SEMA3C: variants seen among roughly 807,000 people sequenced by gnomAD.
SEMA3C encodes semaphorin 3C, also known as semaphorin-3C.
SEMA3C carries 47 observed loss-of-function variants against 89.4 expected under a neutral mutation model. The ratio of observed to expected loss-of-function variants is 0.53; its 90% CI spans 0.42 to 0.67. SEMA3C has a LOEUF of 0.67. Among genes scored for constraint, SEMA3C ranks in the 30% least tolerant of loss-of-function variants. The pLI is 0.00. For synonymous variants in SEMA3C, 310 were observed against 320.2 expected, an observed-to-expected ratio of 0.97 and a Z score of 0.34; for missense variants, 839 against 929.1, an observed-to-expected ratio of 0.90 and a Z score of 1.26.
intron 2 of SEMA3C, among the ~76,000 whole-genome samples, chr7:80,861,948 T>C (rs1201252196): frequency 6.6e-6 from 1 of 152,066 alleles, no homozygotes; most frequent in Non-Finnish European, 1.5e-5. Context: ...TACCTCAATA[T>C]AATAAAAGTC....
At chr7:80,915,817 G>GAAAGAAA (rs1433413943) in intron 2 of SEMA3C, 13 of 150,482 alleles carry the variant, frequency 8.6e-5, no homozygotes, top group Non-Finnish European at 4.4e-5. Flanking sequence ...AGAATATATT[G>GAAAGAAA]TTTATCAAAT....
chr7:80,804,605 T>G (rs1325410105), intron 7 of SEMA3C, among the ~76,000 whole-genome samples: 1 of 152,160 alleles, frequency 6.6e-6, no homozygotes, highest in Non-Finnish European at 1.5e-5. Context: ...TCAAATTTGT[T>G]GAAGCAGAAT....
intron 2 of SEMA3C, among the ~76,000 whole-genome samples, chr7:80,898,312 G>A (rs546833886): frequency 1.3e-5 from 2 of 152,310 alleles, no homozygotes; most frequent in East Asian, 3.9e-4. Context: ...GTTGCAGTGA[G>A]CCGAGATCGC....
chr7:80,815,554 C>CAAAAAAA (rs761990267), intron 5 of SEMA3C, among the ~76,000 whole-genome samples: 7,396 of 57,974 alleles, frequency 0.13, 643 homozygotes, highest in Non-Finnish European at 0.18. Context: ...TTTAAATGGG[C>CAAAAAAA]AAAAAAAAAA....
upstream of SEMA3C, among the ~76,000 whole-genome samples, chr7:80,921,541 G>A (rs556613152): frequency 6.6e-6 from 1 of 152,272 alleles, no homozygotes; most frequent in East Asian, 1.9e-4. Flanking sequence ...ACTTTTTTAA[G>A]ACTTCAGCTT....
At chr7:80,866,106 A>G (rs1790920794) in intron 2 of SEMA3C, among the ~76,000 whole-genome samples, 1 of 152,212 alleles carries the variant, frequency 6.6e-6, no homozygotes, top group Admixed American at 6.5e-5. Flanking sequence ...AGAGCAGGAT[A>G]AAGATCCAAC....
chr7:80,885,487 C>T lies in SEMA3C; in HGVS notation c.103+31192G>A, dbSNP rs146242906. Among the ~76,000 whole-genome samples, 1,026 of 152,006 alleles carry T rather than the reference C, an allele frequency of 6.7e-3. 12 individuals carry two copies. The highest frequency in any genetic ancestry group is 0.023 in the African/African-American group (968 of 41,472). On this transcript the variant is annotated intron_variant, in intron 2 of 17. Transcript: ENST00000265361. ...AAAAAATTAGCCAGGCATGGTGGTG[C>T]ATGCCCATAGTCCCAGCTACTTGGG...
intron 2 of SEMA3C, among the ~76,000 whole-genome samples, chr7:80,838,546 A>G (rs1790190321): frequency 6.6e-6 from 1 of 152,168 alleles, no homozygotes; most frequent in Non-Finnish European, 1.5e-5. Flanking sequence ...AGCTAAACCA[A>G]AAGCAAGGCT....
intron 2 of SEMA3C, among the ~76,000 whole-genome samples, chr7:80,867,208 A>G (rs1250441237): frequency 2.0e-5 from 3 of 152,236 alleles, no homozygotes; most frequent in Admixed American, 2.0e-4. Context: ...TAAAACAAAC[A>G]GAAAATATCT....
chr7:80,802,742 C>T lies in SEMA3C; in HGVS notation c.839G>A (p.Trp280Ter). Residue 280 changes from tryptophan (W) to a stop codon, truncating the protein, a stop_gained, in exon 9 of 18, where the codon TGG becomes TAG. Coordinates refer to ENST00000265361, the MANE Select transcript of SEMA3C (RefSeq NM_006379.5). LOFTEE classifies it high-confidence loss of function. ...TGGLRSLVNK[W>*]TTFLKARLVC... Reference sequence around the variant, plus strand: ...CAGCCTCGCCTTTAAGAAAGTGGTCCACTTGTTGACAAGGCTACGCAGTCC... The same window carrying T: ...CAGCCTCGCCTTTAAGAAAGTGGTCTACTTGTTGACAAGGCTACGCAGTCC... 6.2e-7 allele frequency: 1 copy of T among 1,613,376 alleles called. No individual in the cohort carries two copies. The highest frequency in any genetic ancestry group is 8.5e-7 in the Non-Finnish European group (1 of 1,179,472).
At chr7:80,793,386 T>A in intron 11 of SEMA3C, 1 of 368,350 alleles carries the variant, frequency 2.7e-6, no homozygotes, top group South Asian at 2.1e-5. Flanking sequence ...ACTTATATGT[T>A]AATATACGTA....
chr7:80,797,654 C>G (rs1478808501), intron 11 of SEMA3C, among the ~76,000 whole-genome samples: 1 of 152,112 alleles, frequency 6.6e-6, no homozygotes, highest in African/African-American at 2.4e-5. Flanking sequence ...ATGGAACTAT[C>G]TCTATGTGAA....
chr7:80,746,271 C>CA (rs1342263003), intron 17 of SEMA3C, among the ~76,000 whole-genome samples: 3 of 151,296 alleles, frequency 2.0e-5, no homozygotes, highest in East Asian at 1.9e-4. Flanking sequence ...GGTTTGTGCA[C>CA]AAAAAAAGCA....
intron 2 of SEMA3C, among the ~76,000 whole-genome samples, chr7:80,885,829 A>C (rs1562923560): frequency 6.6e-6 from 1 of 152,188 alleles, no homozygotes; most frequent in Non-Finnish European, 1.5e-5. Flanking sequence ...CTCCAAAAAT[A>C]CTGCATGTAC....
chr7:80,810,937 C>G (rs1789453724), intron 5 of SEMA3C, among the ~76,000 whole-genome samples: 2 of 152,120 alleles, frequency 1.3e-5, no homozygotes, highest in African/African-American at 4.8e-5. Context: ...GAGAGCTGAT[C>G]CAAGAAGTCG....
Position 80,751,452 on chromosome 7 carries a change from T to C in SEMA3C, c.1644-116A>G. 4 of 891,206 alleles carry C rather than the reference T, an allele frequency of 4.5e-6. No individual in the cohort carries two copies. The South Asian group carries it at 4.7e-5, about 10-fold the overall frequency. The allele number at this position is 891,206 out of a possible 1,614,324, so 55.2% of individuals were successfully genotyped here. ...TTTTTATTGCTAAGCTTTCATAAAA[T>C]TTTTTAAAAAGAGTTCTGATTGATG... On this transcript the variant is annotated intron_variant, in intron 15 of 17. Transcript: ENST00000265361.
chr7:80,862,936 A>G (rs1790807103), intron 2 of SEMA3C, among the ~76,000 whole-genome samples: 1 of 152,182 alleles, frequency 6.6e-6, no homozygotes, highest in Admixed American at 6.5e-5. Flanking sequence ...TTATACAAAA[A>G]TCTACTCAAG....
chr7:80,801,603 T>A (rs1789209913), intron 9 of SEMA3C, among the ~76,000 whole-genome samples: 1 of 152,072 alleles, frequency 6.6e-6, no homozygotes. Context: ...GAAATATGTA[T>A]TTATTTTAAA....
chr7:80,910,016 G>A (rs1221674377), intron 2 of SEMA3C, among the ~76,000 whole-genome samples: 2 of 152,102 alleles, frequency 1.3e-5, no homozygotes, highest in Admixed American at 6.5e-5. Flanking sequence ...GAAGCAAGTT[G>A]TTAATACTCA....
Sources: gnomAD v4.1 joint callset for allele counts (sites outside exome capture counted in the v4.1 genomes callset) on GRCh38, gnomAD v4.1.1 for gene constraint, MANE v1.5 for transcripts, NCBI Gene and HGNC (gene_info 2026-07-23, HGNC 2026-07-21) for gene names.